CHCHD3: variants seen among roughly 807,000 people sequenced by gnomAD.
CHCHD3 encodes MICOS complex subunit MIC19.
In CHCHD3, 20 loss-of-function variants were observed where a neutral mutation model predicts 38.2. The ratio of observed to expected loss-of-function variants is 0.52; its 90% CI spans 0.37 to 0.76. The LOEUF (loss-of-function observed/expected upper bound fraction) is 0.76, where lower values mean the gene tolerates loss of function less well. Among genes scored for constraint, CHCHD3 ranks in the 30% least tolerant of loss-of-function variants. The probability of loss-of-function intolerance (pLI) is 0.00; values close to 1 mark genes in which losing one functional copy is unlikely to be tolerated. For missense variants in CHCHD3, 245 were observed against 279.2 expected (o/e 0.88, Z 0.87); for synonymous variants, 82 against 100.0 (o/e 0.82, Z 1.07).
At chr7:132,831,489 G>A (rs1338614735) in intron 6 of CHCHD3, among the ~76,000 whole-genome samples, 5 of 152,112 alleles carry the variant, frequency 3.3e-5, no homozygotes, top group African/African-American at 9.7e-5. Context: ...ACAAATACAC[G>A]TGAAACAGCA....
Position 133,074,361 on chromosome 7 carries a change from C to T in CHCHD3, c.82-4132G>A, listed in dbSNP as rs146279025. 1.9e-3 allele frequency among the ~76,000 whole-genome samples: 286 copies of T among 152,264 alleles called. 3 individuals carry two copies. Among genetic ancestry groups the T allele is most frequent in the African/African-American group, 6.4e-3 (265 of 41,554 alleles). On this transcript the variant is annotated intron_variant, in intron 1 of 7. Transcript: ENST00000262570. ...GTGTGCTCTTTGAAGGAAAAAACTA[C>T]GACTCCCTTCTTGGAAGACAAGAAG...
At chr7:132,912,022 G>A (rs796847047) in intron 4 of CHCHD3, among the ~76,000 whole-genome samples, 12 of 152,116 alleles carry the variant, frequency 7.9e-5, no homozygotes, top group African/African-American at 2.2e-4. Context: ...GAATTACATC[G>A]GCCAAACCAG....
chr7:132,924,287 G>A (rs374071732), intron 4 of CHCHD3, among the ~76,000 whole-genome samples: 2 of 152,032 alleles, frequency 1.3e-5, no homozygotes, highest in African/African-American at 4.8e-5. Context: ...TACAGTTTTG[G>A]CCTAACATCT....
Position 132,827,617 on chromosome 7 carries a change from T to A in CHCHD3, c.524+10782A>T, listed in dbSNP as rs181314603. On this transcript the variant is annotated intron_variant, in intron 6 of 7. Coordinates refer to ENST00000262570, the MANE Select transcript of CHCHD3 (RefSeq NM_017812.4). The stretch of plus-strand genomic sequence containing the variant: ...TGTTCATATTGTATTAGAAGTTACA[T>A]ACCTGTATATACTTGTAAAACTATC... Among the ~76,000 whole-genome samples, 5 of 152,344 alleles carry A rather than the reference T, an allele frequency of 3.3e-5. No homozygotes were observed. The East Asian group carries it at 9.6e-4, about 29-fold the overall frequency.
At chr7:132,955,545 T>TTG (rs1434623914) in intron 4 of CHCHD3, among the ~76,000 whole-genome samples, 2 of 151,736 alleles carry the variant, frequency 1.3e-5, no homozygotes, top group African/African-American at 4.8e-5. Flanking sequence ...GTTTTTTGTT[T>TTG]TTTTTTTTTA....
chr7:132,889,417 C>T (rs968104865), intron 4 of CHCHD3, among the ~76,000 whole-genome samples: 3 of 151,870 alleles, frequency 2.0e-5, no homozygotes, highest in African/African-American at 4.8e-5. Flanking sequence ...CTGAGGACAC[C>T]GCATCAATCA....
chr7:133,035,312 G>A lies in CHCHD3; in HGVS notation c.170-10685C>T. Reference sequence around the variant, plus strand: ...TCTCACACAGTTTCAGTTCCCCCAAGACAGCCCGGAACTGGGGCTGGTTAA... The same window carrying A: ...TCTCACACAGTTTCAGTTCCCCCAAAACAGCCCGGAACTGGGGCTGGTTAA... On this transcript the variant is annotated intron_variant, in intron 2 of 7. Transcript: ENST00000262570. This position sits in a 1 kb window ranked among gnomAD's most constrained non-coding sequence, Gnocchi z 4.7. 6.2e-7 allele frequency: 1 copy of A among 1,611,258 alleles called. No individual in the cohort carries two copies. Among genetic ancestry groups the A allele is most frequent in the South Asian group, 1.1e-5 (1 of 91,028 alleles).
At chr7:133,050,949 G>A (rs1416447835) in intron 2 of CHCHD3, among the ~76,000 whole-genome samples, 3 of 152,170 alleles carry the variant, frequency 2.0e-5, no homozygotes, top group Non-Finnish European at 4.4e-5. Context: ...CCAGGAGGCA[G>A]AGACTGCAGT....
chr7:132,828,232 C>G (rs1807557066), intron 6 of CHCHD3, among the ~76,000 whole-genome samples: 1 of 152,104 alleles, frequency 6.6e-6, no homozygotes, highest in Admixed American at 6.6e-5. Context: ...TTGTATACCC[C>G]CACCAGCAAA....
chr7:132,945,591 A>G (rs1001062708), intron 4 of CHCHD3, among the ~76,000 whole-genome samples: 1 of 151,944 alleles, frequency 6.6e-6, no homozygotes, highest in Non-Finnish European at 1.5e-5. Flanking sequence ...GGTCTGAAGA[A>G]AACACATATG....
intron 5 of CHCHD3, among the ~76,000 whole-genome samples, chr7:132,883,923 T>C (rs1459173650): frequency 6.6e-6 from 1 of 152,152 alleles, no homozygotes; most frequent in Non-Finnish European, 1.5e-5. Context: ...TGGAAAAACC[T>C]TCTAGTTATA....
chr7:132,821,783 T>G, intron 6 of CHCHD3, among the ~76,000 whole-genome samples: 1 of 126,210 alleles, frequency 7.9e-6, no homozygotes. Context: ...TGAGACGGAG[T>G]CTCGCTCTGT....
intron 6 of CHCHD3, among the ~76,000 whole-genome samples, chr7:132,799,349 G>A (rs1349947038): frequency 6.6e-6 from 1 of 152,090 alleles, no homozygotes; most frequent in African/African-American, 2.4e-5. Flanking sequence ...TCAGGATAAA[G>A]GTTTCAAAAC....
At chr7:132,996,557 C>A (rs74501863) in intron 3 of CHCHD3, among the ~76,000 whole-genome samples, 7,887 of 152,288 alleles carry the variant, frequency 0.052, 265 homozygotes, top group Non-Finnish European at 0.073. Flanking sequence ...TATGTTAGGT[C>A]TCTTTCCCTT....
At chr7:133,028,625 G>A (rs995700252) in intron 2 of CHCHD3, among the ~76,000 whole-genome samples, 7 of 152,026 alleles carry the variant, frequency 4.6e-5, no homozygotes, top group East Asian at 1.9e-4. Flanking sequence ...GGTGGCTCAC[G>A]CCTATAATCC....
intron 4 of CHCHD3, among the ~76,000 whole-genome samples, chr7:132,905,689 A>C (rs1809785591): frequency 6.6e-6 from 1 of 152,222 alleles, no homozygotes; most frequent in African/African-American, 2.4e-5. Context: ...TCCAAACATA[A>C]CATCACCAAC....
At chr7:133,038,365 C>T (rs1476477062) in intron 2 of CHCHD3, among the ~76,000 whole-genome samples, 1 of 152,086 alleles carries the variant, frequency 6.6e-6, no homozygotes, top group African/African-American at 2.4e-5. Flanking sequence ...TATCTAGAAG[C>T]ACACCATACA....
At chr7:132,964,677 T>C (rs532641249) in intron 4 of CHCHD3, among the ~76,000 whole-genome samples, 2 of 152,366 alleles carry the variant, frequency 1.3e-5, no homozygotes, top group Admixed American at 6.5e-5. Flanking sequence ...TTTGTGTCTA[T>C]ATCAACCACT....
intron 2 of CHCHD3, among the ~76,000 whole-genome samples, chr7:133,053,282 G>A (rs1814222039): frequency 6.6e-6 from 1 of 152,178 alleles, no homozygotes; most frequent in African/African-American, 2.4e-5. Context: ...CACAGTGCTG[G>A]CTGGCCATTT....
Sources: gnomAD v4.1 joint callset for allele counts (sites outside exome capture counted in the v4.1 genomes callset) on GRCh38, gnomAD v4.1.1 for gene constraint, Gnocchi (gnomAD v3.1) non-coding constraint, MANE v1.5 for transcripts, NCBI Gene and HGNC (gene_info 2026-07-23, HGNC 2026-07-21) for gene names.